The following PAIP2 variants were observed in gnomAD, a reference collection of about 807,000 sequenced individuals.
PAIP2 encodes polyadenylate-binding protein-interacting protein 2.
A neutral mutation model predicts 14.8 loss-of-function variants in PAIP2; 7 were observed. That is an observed-to-expected ratio of 0.47 (90% CI 0.27 to 0.89). The LOEUF (loss-of-function observed/expected upper bound fraction) is 0.89, where lower values mean the gene tolerates loss of function less well. PAIP2 is among the 40% of genes least tolerant of loss of function. The pLI, the probability that PAIP2 is intolerant of heterozygous loss-of-function variation, is 0.13. For synonymous variants in PAIP2, 47 were observed against 45.3 expected, an observed-to-expected ratio of 1.04 and a Z score of -0.15; for missense variants, 122 against 154.7, an observed-to-expected ratio of 0.79 and a Z score of 1.12.
At chr5:139,350,589 C>T (rs2152047026) in intron 1 of PAIP2, among the ~76,000 whole-genome samples, 1 of 151,786 alleles carries the variant, frequency 6.6e-6, no homozygotes, top group Non-Finnish European at 1.5e-5. Context: ...CGAGATTGTG[C>T]CACTGCACTC....
intron 1 of PAIP2, among the ~76,000 whole-genome samples, chr5:139,360,187 G>A (rs1261905720): frequency 1.3e-5 from 2 of 151,684 alleles, no homozygotes; most frequent in East Asian, 4.0e-4. Context: ...GGCTGGTCTC[G>A]AACTCCCGAT....
chr5:139,350,302 A>T (rs980313610), intron 1 of PAIP2, among the ~76,000 whole-genome samples: 16 of 152,154 alleles, frequency 1.1e-4, no homozygotes, highest in Non-Finnish European at 1.3e-4. Flanking sequence ...AGTAAAAAAG[A>T]TGAGTGTAAT....
At position 139,363,915 on chromosome 5, in the gene PAIP2, A is replaced by G; in HGVS notation, c.131A>G (p.Asn44Ser). Reference protein sequence around the residue: ...YMWMENEEEFNRQIEEELWEE... With the variant: ...YMWMENEEEFSRQIEEELWEE... ...TGGATGGAAAATGAAGAAGAATTCA[A>G]CAGACAAGTTAGTTTTTTGTACAAA... The change falls in exon 2 of 4, where the codon AAC becomes AGC. Residue 44 changes from asparagine to serine, a missense_variant. Transcript: ENST00000265192. 1 of 1,613,680 alleles carries G rather than the reference A, an allele frequency of 6.2e-7. No individual in the cohort carries two copies. The highest frequency in any genetic ancestry group is 8.5e-7 in the Non-Finnish European group (1 of 1,179,698).
intron 1 of PAIP2, among the ~76,000 whole-genome samples, chr5:139,350,704 A>AT (rs1478520524): frequency 6.6e-6 from 1 of 152,036 alleles, no homozygotes; most frequent in East Asian, 1.9e-4. Flanking sequence ...AACTTATCAA[A>AT]TGGTTAAGCA....
At chr5:139,346,413 T>C (rs1756551374) in intron 1 of PAIP2, among the ~76,000 whole-genome samples, 1 of 151,554 alleles carries the variant, frequency 6.6e-6, no homozygotes, top group Non-Finnish European at 1.5e-5. Context: ...AGCTAATGTT[T>C]GTATTTTTAG....
intron 1 of PAIP2, among the ~76,000 whole-genome samples, chr5:139,362,189 TCAGTCTTTCAGA>T (rs2152053586): frequency 1.3e-5 from 2 of 152,250 alleles, no homozygotes; most frequent in South Asian, 4.1e-4. Context: ...ACTTGATGAC[TCAGTCTTTCAGA>T]CCGTGTTTGG....
At chr5:139,349,513 C>G (rs921331735) in intron 1 of PAIP2, among the ~76,000 whole-genome samples, 1 of 152,134 alleles carries the variant, frequency 6.6e-6, no homozygotes, top group African/African-American at 2.4e-5. Flanking sequence ...TCCCAAAGTG[C>G]TGGGATTACA....
In PAIP2 at chr5:139,369,047, A is replaced by G. The variant is rs1043353624; in HGVS notation, c.*249A>G. The G allele has an allele frequency of 2.8e-6, 1 of 363,406 alleles. No homozygotes were observed. The highest frequency in any genetic ancestry group is 4.6e-5 in the Admixed American group (1 of 21,632). The allele number at this position is 363,406 out of a possible 1,614,324, so 22.5% of individuals were successfully genotyped here. ...ACAGCAAGGAAAGAAGCACCAGTCAAGTTGTGAACAAGCACCAAATTAAAA... is the reference window on the plus strand; with the variant it reads ...ACAGCAAGGAAAGAAGCACCAGTCAGGTTGTGAACAAGCACCAAATTAAAA... On this transcript the variant is annotated 3_prime_UTR_variant, in exon 4 of 4. Transcript: ENST00000265192.
chr5:139,344,916 TCTAA>T (rs1348642517), intron 1 of PAIP2, among the ~76,000 whole-genome samples: 1 of 152,090 alleles, frequency 6.6e-6, no homozygotes. Flanking sequence ...TGCTAGGTTC[TCTAA>T]CTAGGTACTA....
At chr5:139,364,151 T>C (rs1226092909) in intron 2 of PAIP2, 5 of 516,044 alleles carry the variant, frequency 9.7e-6, no homozygotes, top group Non-Finnish European at 1.4e-5. Context: ...ATCAGGAGGA[T>C]GAGGGTGGAG....
At chr5:139,352,672 T>A (rs1756782758) in intron 1 of PAIP2, among the ~76,000 whole-genome samples, 2 of 151,340 alleles carry the variant, frequency 1.3e-5, no homozygotes, top group African/African-American at 2.4e-5. Flanking sequence ...GGTTTCTCCA[T>A]GTTGGTCAGG....
At chr5:139,360,929 C>T (rs1757051833) in intron 1 of PAIP2, among the ~76,000 whole-genome samples, 1 of 151,984 alleles carries the variant, frequency 6.6e-6, no homozygotes, top group Admixed American at 6.6e-5. Flanking sequence ...TATAGGCATG[C>T]ACCACCACAT....
chr5:139,368,664 A>G, intron 3 of PAIP2, 69 bp from the exon 4 acceptor site: 1 of 1,011,356 alleles, frequency 9.9e-7, no homozygotes, highest in Non-Finnish European at 1.5e-6. Context: ...TTTTTGCATG[A>G]GGATCTAGAT....
intron 2 of PAIP2, chr5:139,364,149 G>T: frequency 1.9e-6 from 1 of 515,952 alleles, no homozygotes. Context: ...GAATCAGGAG[G>T]ATGAGGGTGG....
At chr5:139,343,734 T>TG (rs1756452120) in intron 1 of PAIP2, among the ~76,000 whole-genome samples, 1 of 142,968 alleles carries the variant, frequency 7.0e-6, no homozygotes, top group African/African-American at 2.7e-5. Flanking sequence ...TTTTTTGAGA[T>TG]GGAGTCTCAC....
At chr5:139,355,615 G>T (rs2152049990) in intron 1 of PAIP2, among the ~76,000 whole-genome samples, 1 of 152,288 alleles carries the variant, frequency 6.6e-6, no homozygotes, top group South Asian at 2.1e-4. Flanking sequence ...GGCACTTTGG[G>T]AGGCTGATGT....
chr5:139,364,559 T>C lies in PAIP2; in HGVS notation c.139-5T>C. ...GCTATAAATTATCCTTTATTATAAA[T>C]CTAGATAGAAGAGGAGTTATGGGAA... On this transcript the variant is annotated splice_region_variant and splice_polypyrimidine_tract_variant and intron_variant, in intron 2 of 3. Coordinates refer to ENST00000265192, the MANE Select transcript of PAIP2 (RefSeq NM_016480.5). 6.5e-7 allele frequency: 1 copy of C among 1,540,600 alleles called. No homozygotes were observed. The highest frequency in any genetic ancestry group is 9.0e-7 in the Non-Finnish European group (1 of 1,115,836).
intron 1 of PAIP2, among the ~76,000 whole-genome samples, chr5:139,357,981 G>T (rs1756964841): frequency 6.7e-6 from 1 of 150,336 alleles, no homozygotes; most frequent in Non-Finnish European, 1.5e-5. Context: ...TGAACTGTTG[G>T]TTTTTTTTTT....
At chr5:139,363,307 T>C (rs1050473080) in intron 1 of PAIP2, among the ~76,000 whole-genome samples, 1 of 152,160 alleles carries the variant, frequency 6.6e-6, no homozygotes, top group Non-Finnish European at 1.5e-5. Flanking sequence ...ATTAAAATCA[T>C]TTGGAAAAAA....
Sources: gnomAD v4.1 joint callset for allele counts (sites outside exome capture counted in the v4.1 genomes callset) on GRCh38, gnomAD v4.1.1 for gene constraint, MANE v1.5 for transcripts, NCBI Gene and HGNC (gene_info 2026-07-23, HGNC 2026-07-21) for gene names.